Variants in FAM135B observed in about 807,000 individuals in gnomAD.
The protein encoded by FAM135B is protein FAM135B.
FAM135B carries 43 observed loss-of-function variants against 127.7 expected under a neutral mutation model. The ratio of observed to expected loss-of-function variants is 0.34; its 90% CI spans 0.26 to 0.43. The LOEUF is 0.43. Ranked by LOEUF, FAM135B falls within the 20% of genes least tolerant of loss-of-function variation. The pLI, the probability that FAM135B is intolerant of heterozygous loss-of-function variation, is 1.00. For synonymous variants in FAM135B, 670 were observed against 665.1 expected (o/e 1.01, Z -0.11); for missense variants, 1,558 against 1,725.6 (o/e 0.90, Z 1.72).
chr8:138,249,922 A>G (rs1409169977), intron 6 of FAM135B, among the ~76,000 whole-genome samples: 1 of 152,324 alleles, frequency 6.6e-6, no homozygotes, highest in Middle Eastern at 3.4e-3. Context: ...CTGGGAGTAG[A>G]TATGAAGACA....
chr8:138,410,220 T>C (rs1833779586), intron 1 of FAM135B, among the ~76,000 whole-genome samples: 2 of 152,088 alleles, frequency 1.3e-5, no homozygotes. Context: ...TGAGGTGAAG[T>C]CCTTGGTGGC....
At chr8:138,401,783 C>G (rs192305807) in intron 1 of FAM135B, among the ~76,000 whole-genome samples, 1 of 152,200 alleles carries the variant, frequency 6.6e-6, no homozygotes, top group Non-Finnish European at 1.5e-5. Flanking sequence ...AGAAATACCA[C>G]TCCTGGGTAA....
chr8:138,414,223 G>C (rs1325794892), intron 1 of FAM135B, among the ~76,000 whole-genome samples: 1 of 151,150 alleles, frequency 6.6e-6, no homozygotes, highest in Non-Finnish European at 1.5e-5. Flanking sequence ...GAGGATATCT[G>C]ATATATTATT....
intron 1 of FAM135B, among the ~76,000 whole-genome samples, chr8:138,466,129 C>T (rs551888932): frequency 1.2e-4 from 18 of 152,258 alleles, no homozygotes; most frequent in Non-Finnish European, 1.5e-4. Context: ...GTATGTTCTT[C>T]CCTCTTCCAA....
intron 2 of FAM135B, among the ~76,000 whole-genome samples, chr8:138,321,505 G>T (rs1424247038): frequency 6.6e-6 from 1 of 152,226 alleles, no homozygotes; most frequent in Non-Finnish European, 1.5e-5. Flanking sequence ...TTTGAGACTT[G>T]TGAAGCAATA....
chr8:138,265,568 G>A (rs1586920157), intron 4 of FAM135B, 135 bp downstream of exon 4: 1 of 876,132 alleles, frequency 1.1e-6, no homozygotes, highest in East Asian at 2.5e-5. Context: ...GTGCATGAGT[G>A]CACTAAAAGC....
intron 1 of FAM135B, among the ~76,000 whole-genome samples, chr8:138,417,584 A>G (rs1244217352): frequency 1.3e-5 from 2 of 152,116 alleles, no homozygotes; most frequent in East Asian, 3.9e-4. Flanking sequence ...ATTGTTACCA[A>G]TGGACTGGGG....
intron 11 of FAM135B, among the ~76,000 whole-genome samples, chr8:138,176,301 G>A (rs1361750298): frequency 1.3e-5 from 2 of 152,222 alleles, no homozygotes; most frequent in Non-Finnish European, 2.9e-5. Flanking sequence ...ACTCTGGAAA[G>A]AAGATTTCCT....
At chr8:138,195,550 G>A (rs1014300202) in intron 8 of FAM135B, among the ~76,000 whole-genome samples, 8 of 151,988 alleles carry the variant, frequency 5.3e-5, no homozygotes, top group Non-Finnish European at 7.4e-5. Flanking sequence ...CATGCACACG[G>A]TTATGAGAAG....
chr8:138,371,449 C>T (rs115099952), intron 1 of FAM135B, among the ~76,000 whole-genome samples: 2,091 of 152,272 alleles, frequency 0.014, 47 homozygotes, highest in African/African-American at 0.047. Context: ...ACCCAGCACA[C>T]ACTGGGTGCT....
intron 2 of FAM135B, among the ~76,000 whole-genome samples, chr8:138,321,477 G>A (rs184866595): frequency 2.6e-5 from 4 of 152,282 alleles, no homozygotes; most frequent in Admixed American, 1.3e-4. Flanking sequence ...GTGCCCACAC[G>A]TCTGGGCGAA....
intron 12 of FAM135B, among the ~76,000 whole-genome samples, chr8:138,156,831 G>A (rs1197201652): frequency 6.6e-6 from 1 of 152,258 alleles, no homozygotes; most frequent in Non-Finnish European, 1.5e-5. Context: ...AAAAGTCCAG[G>A]ACCAGACGGA....
intron 1 of FAM135B, among the ~76,000 whole-genome samples, chr8:138,429,132 T>C (rs1175088901): frequency 6.6e-6 from 1 of 152,190 alleles, no homozygotes; most frequent in Non-Finnish European, 1.5e-5. Flanking sequence ...AACGGGGCAT[T>C]GGATCTAGTT....
At position 138,151,209 on chromosome 8, in the gene FAM135B, C is replaced by G. The variant is rs1328929080; in HGVS notation, c.3266G>C (p.Ser1089Thr). 1 of 1,535,966 alleles carries G rather than the reference C, an allele frequency of 6.5e-7. No individual in the cohort carries two copies. ...THSSTLDEEV[S>T]ERMFSFYQAK... ...GCCAGCTTACCTAAACATCCTCTCACTGACTTCCTCATCCAACGTGCTGGA... is the reference window on the plus strand; with the variant it reads ...GCCAGCTTACCTAAACATCCTCTCAGTGACTTCCTCATCCAACGTGCTGGA... The change falls in exon 13 of 20, where the codon AGT (serine) becomes ACT (threonine). Residue 1089 changes from serine (S) to threonine (T), a missense_variant. Physicochemically the swap from Ser to Thr is moderately conservative, Grantham distance 58. Coordinates refer to ENST00000395297, the MANE Select transcript of FAM135B (RefSeq NM_015912.4).
intron 6 of FAM135B, among the ~76,000 whole-genome samples, chr8:138,244,960 A>G (rs7825864): frequency 0.07 from 10,679 of 152,258 alleles, 1,144 homozygotes; most frequent in African/African-American, 0.23. Context: ...GATGCTGTGA[A>G]AAACTGCTTT....
At position 138,448,013 on chromosome 8, in the gene FAM135B, T is replaced by C. The variant is rs117282924; in HGVS notation, c.-20+48658A>G. On this transcript the variant is annotated intron_variant, in intron 1 of 19. Coordinates refer to ENST00000395297, the MANE Select transcript of FAM135B (RefSeq NM_015912.4). ...TGTTTACTAGATCCTATGATCTAAT[T>C]TGGCAAGCTGAATCAAGGCCTCAAG... is the stretch of plus-strand genomic sequence containing the variant. 4.2e-3 allele frequency among the ~76,000 whole-genome samples: 634 copies of C among 151,664 alleles called. 3 individuals carry two copies. The highest frequency in any genetic ancestry group is 6.8e-3 in the Middle Eastern group (2 of 294).
At chr8:138,269,120 GA>G (rs562680016) in intron 3 of FAM135B, among the ~76,000 whole-genome samples, 44 of 152,162 alleles carry the variant, frequency 2.9e-4, no homozygotes, top group African/African-American at 7.9e-4. Context: ...GATGGCAAGA[GA>G]AAAAAAGACT....
intron 2 of FAM135B, among the ~76,000 whole-genome samples, chr8:138,331,748 C>T (rs1334273350): frequency 6.6e-6 from 1 of 152,164 alleles, no homozygotes; most frequent in African/African-American, 2.4e-5. Flanking sequence ...GTTTCTACTT[C>T]TTTTATAACA....
chr8:138,367,878 C>T, intron 2 of FAM135B, 29 bp downstream of exon 2: 2 of 1,512,242 alleles, frequency 1.3e-6, no homozygotes, highest in African/African-American at 1.4e-5. Flanking sequence ...CACACACACA[C>T]ACACACACAA....
Sources: gnomAD v4.1 joint callset for allele counts (sites outside exome capture counted in the v4.1 genomes callset) on GRCh38, gnomAD v4.1.1 for gene constraint, MANE v1.5 for transcripts, NCBI Gene and HGNC (gene_info 2026-07-23, HGNC 2026-07-21) for gene names.